Variants in DLGAP2 observed in about 807,000 individuals in gnomAD.
DLGAP2 encodes DLG associated protein 2.
In DLGAP2, 26 loss-of-function variants were observed where a neutral mutation model predicts 100.3. The ratio of observed to expected loss-of-function variants is 0.26; its 90% confidence interval spans 0.19 to 0.36. The LOEUF (loss-of-function observed/expected upper bound fraction) is 0.36, where lower values mean the gene tolerates loss of function less well. Ranked by LOEUF, DLGAP2 falls within the 10% of genes least tolerant of loss-of-function variation. The pLI is 1.00. For synonymous variants in DLGAP2, 886 were observed against 630.1 expected (o/e 1.41, Z -6.08); for missense variants, 1,858 against 1,453.2 (o/e 1.28, Z -4.53).
intron 3 of DLGAP2, among the ~76,000 whole-genome samples, chr8:1,279,181 G>C (rs1799766288): frequency 6.6e-6 from 1 of 152,194 alleles, no homozygotes; most frequent in Non-Finnish European, 1.5e-5. Flanking sequence ...ATAATTTTAA[G>C]TTAGGAAGTT....
chr8:1,376,855 C>G (rs72507641), intron 3 of DLGAP2, among the ~76,000 whole-genome samples: 1 of 149,220 alleles, frequency 6.7e-6, no homozygotes, highest in Non-Finnish European at 1.5e-5. Flanking sequence ...GCCGTGAAAG[C>G]GAAATGTGCA....
intron 3 of DLGAP2, among the ~76,000 whole-genome samples, chr8:1,308,220 T>G (rs1463162373): frequency 6.6e-6 from 1 of 152,208 alleles, no homozygotes; most frequent in Non-Finnish European, 1.5e-5. Context: ...TGTTTTTGTC[T>G]TTTTCGTTTG....
chr8:1,445,479 C>T (rs1423452306), intron 3 of DLGAP2, among the ~76,000 whole-genome samples: 4 of 151,822 alleles, frequency 2.6e-5, no homozygotes, highest in Non-Finnish European at 4.4e-5. Flanking sequence ...TTTCTTAATC[C>T]AGTCTATCGT....
intron 6 of DLGAP2, among the ~76,000 whole-genome samples, chr8:1,577,295 G>T (rs1324466736): frequency 6.6e-6 from 1 of 152,156 alleles, no homozygotes; most frequent in African/African-American, 2.4e-5. Flanking sequence ...GGGGCTGGGC[G>T]CGGTGGCTCA....
rs866701889 is a variant in DLGAP2 at position 1,626,390 on chromosome 8, C to T, written c.1443-350C>T. Among the ~76,000 whole-genome samples, 47 of 114,632 alleles carry T rather than the reference C, an allele frequency of 4.1e-4. 1 individual carries two copies. In the South Asian group the frequency reaches 0.011, roughly 26 times the overall value. 75.2% of individuals were successfully genotyped at this position (114,632 alleles called of 152,430 possible). A position where few individuals can be genotyped will look rare whatever the true frequency, so the allele number is the denominator to read the frequency against. On this transcript the variant is annotated intron_variant, in intron 6 of 14. Coordinates refer to ENST00000637795, the MANE Select transcript of DLGAP2 (RefSeq NM_001346810.2). ...GCTCAGCCTCTGGGTGTGGGTTGGA[C>T]GGCTGTTCCCATCTCTACCCTGCAG...
intron 2 of DLGAP2, among the ~76,000 whole-genome samples, chr8:1,193,989 G>A (rs1025512432): frequency 1.1e-4 from 17 of 152,160 alleles, no homozygotes; most frequent in African/African-American, 3.4e-4. Context: ...CGTAGTATCT[G>A]AAGCCTCAGG....
At chr8:1,519,965 T>C (rs1165459712) in intron 4 of DLGAP2, among the ~76,000 whole-genome samples, 1 of 152,176 alleles carries the variant, frequency 6.6e-6, no homozygotes, top group Non-Finnish European at 1.5e-5. Flanking sequence ...CGGTTTCCAG[T>C]CTGCAGGAGG....
At chr8:798,782 C>A (rs1184784598) in intron 1 of DLGAP2, among the ~76,000 whole-genome samples, 1 of 147,374 alleles carries the variant, frequency 6.8e-6, no homozygotes, top group East Asian at 2.1e-4. Context: ...GGACCTGCAG[C>A]CCCGTGCCCT....
intron 2 of DLGAP2, among the ~76,000 whole-genome samples, chr8:1,063,904 C>T (rs1419864747): frequency 6.6e-6 from 1 of 152,186 alleles, no homozygotes. Context: ...GTGGGACTCT[C>T]TCCAGCTTGG....
At chr8:1,473,122 C>T (rs1041850433) in intron 3 of DLGAP2, among the ~76,000 whole-genome samples, 3 of 152,138 alleles carry the variant, frequency 2.0e-5, no homozygotes, top group Non-Finnish European at 2.9e-5. Flanking sequence ...GTAGAGACAG[C>T]ATTTCACCAT....
chr8:1,126,264 G>A (rs757925315), intron 2 of DLGAP2, among the ~76,000 whole-genome samples: 14 of 152,162 alleles, frequency 9.2e-5, no homozygotes, highest in Admixed American at 7.9e-4. Flanking sequence ...TTTTAAGTAG[G>A]TAGGTCCTTG....
intron 3 of DLGAP2, among the ~76,000 whole-genome samples, chr8:1,367,423 C>T (rs1802133053): frequency 1.3e-5 from 2 of 152,200 alleles, no homozygotes; most frequent in Non-Finnish European, 2.9e-5. Flanking sequence ...CAAAAATTAG[C>T]ACACACTAAT....
At chr8:1,096,126 G>A (rs372673060) in intron 2 of DLGAP2, among the ~76,000 whole-genome samples, 5 of 152,144 alleles carry the variant, frequency 3.3e-5, no homozygotes, top group African/African-American at 7.2e-5. Flanking sequence ...GTGTGTAAAC[G>A]TGTTCTAGGT....
intron 3 of DLGAP2, among the ~76,000 whole-genome samples, chr8:1,414,273 G>A (rs188979111): frequency 1.1e-3 from 163 of 152,326 alleles, no homozygotes; most frequent in African/African-American, 3.6e-3. Context: ...TTGGCATGGC[G>A]CCCTGAGCAT....
intron 3 of DLGAP2, among the ~76,000 whole-genome samples, chr8:1,457,449 A>G (rs532261510): frequency 5.9e-5 from 9 of 152,306 alleles, no homozygotes; most frequent in South Asian, 2.1e-4. Context: ...ATATTTATCT[A>G]TACTCGGTCT....
chr8:1,633,509 A>C (rs552754707), intron 8 of DLGAP2, among the ~76,000 whole-genome samples: 2 of 152,328 alleles, frequency 1.3e-5, no homozygotes, highest in African/African-American at 4.8e-5. Flanking sequence ...TCATTAATGC[A>C]GATGCACTAA....
Position 1,112,369 on chromosome 8 carries a change from T to C in DLGAP2, c.74-146482T>C, listed in dbSNP as rs1200507177. 3.3e-5 allele frequency among the ~76,000 whole-genome samples: 5 copies of C among 151,524 alleles called. No homozygotes were observed. In the East Asian group the frequency reaches 9.8e-4, roughly 30 times the overall value. ...CATACTCCTGACTCAGCCTCCCGAT[T>C]AGCTGGGACTACAGGCATCCACCAC... On this transcript the variant is annotated intron_variant, in intron 2 of 14. Coordinates refer to ENST00000637795, the MANE Select transcript of DLGAP2 (RefSeq NM_001346810.2).
At chr8:1,543,769 G>T (rs1475638266) in intron 4 of DLGAP2, among the ~76,000 whole-genome samples, 2 of 152,190 alleles carry the variant, frequency 1.3e-5, no homozygotes, top group African/African-American at 4.8e-5. Context: ...CTTGGGGTAG[G>T]ACCTACCTCA....
intron 3 of DLGAP2, among the ~76,000 whole-genome samples, chr8:1,306,370 T>C (rs747710951): frequency 1.3e-5 from 2 of 151,978 alleles, no homozygotes; most frequent in Non-Finnish European, 2.9e-5. Flanking sequence ...TTCTTAGAAA[T>C]AAGCTTAACC....
Sources: gnomAD v4.1 joint callset for allele counts (sites outside exome capture counted in the v4.1 genomes callset) on GRCh38, gnomAD v4.1.1 for gene constraint, MANE v1.5 for transcripts, NCBI Gene and HGNC (gene_info 2026-07-23, HGNC 2026-07-21) for gene names.